Variants in TRAPPC9 observed in about 807,000 individuals in gnomAD.
The protein encoded by TRAPPC9 is trafficking protein particle complex subunit 9.
In TRAPPC9, 83 loss-of-function variants were observed where a neutral mutation model predicts 124.0. The observed-to-expected ratio is 0.67, with a 90% CI of 0.56 to 0.80. The LOEUF (loss-of-function observed/expected upper bound fraction) is 0.80. Among genes scored for constraint, TRAPPC9 ranks in the 30% least tolerant of loss-of-function variants. The pLI is 0.00. For synonymous variants in TRAPPC9, 638 were observed against 617.5 expected (o/e 1.03, Z -0.49); for missense variants, 1,302 against 1,508.3 (o/e 0.86, Z 2.27).
chr8:140,411,084 A>T (rs2069691647), intron 5 of TRAPPC9, among the ~76,000 whole-genome samples: 1 of 152,158 alleles, frequency 6.6e-6, no homozygotes, highest in Non-Finnish European at 1.5e-5. Context: ...ATGACCAAGG[A>T]TAAATAACCA....
intron 16 of TRAPPC9, among the ~76,000 whole-genome samples, chr8:140,223,739 AT>A (rs1563859873): frequency 1.4e-5 from 2 of 143,914 alleles, no homozygotes; most frequent in African/African-American, 5.1e-5. Flanking sequence ...ATAGTTCATA[AT>A]TTAAAAAAAA....
At chr8:139,981,295 C>T (rs900113083) in intron 19 of TRAPPC9, among the ~76,000 whole-genome samples, 5 of 152,202 alleles carry the variant, frequency 3.3e-5, no homozygotes, top group South Asian at 2.1e-4. Context: ...TAACTGACCT[C>T]GGGTCTCCAT....
rs75904565 is a variant in TRAPPC9 at position 139,914,476 on chromosome 8, C to T, written c.2811-4176G>A. Among the ~76,000 whole-genome samples the T allele has an allele frequency of 5.4e-3, 817 of 152,354 alleles. 6 individuals are homozygous for T. Among genetic ancestry groups the T allele is most frequent in the African/African-American group, 0.019 (782 of 41,594 alleles). On this transcript the variant is annotated intron_variant, in intron 19 of 22. Coordinates refer to ENST00000438773, the MANE Select transcript of TRAPPC9 (RefSeq NM_001160372.4). ...ATCGTGGTAGGCACCGGGGCAGCAG[C>T]GCAGCGGGAGATGGCGGCAGGCTTC...
intron 17 of TRAPPC9, among the ~76,000 whole-genome samples, chr8:140,197,309 A>G (rs965138655): frequency 6.6e-6 from 1 of 152,242 alleles, no homozygotes; most frequent in African/African-American, 2.4e-5. Context: ...TTAACATAAG[A>G]GCACTGCAGT....
At chr8:139,840,405 TG>T (rs572779595) in intron 21 of TRAPPC9, among the ~76,000 whole-genome samples, 74 of 152,360 alleles carry the variant, frequency 4.9e-4, no homozygotes, top group African/African-American at 1.7e-3. Context: ...GAATGTGAGT[TG>T]ATTCCATTGA....
At chr8:140,233,090 T>C (rs954212293) in intron 16 of TRAPPC9, among the ~76,000 whole-genome samples, 2 of 152,208 alleles carry the variant, frequency 1.3e-5, no homozygotes, top group African/African-American at 2.4e-5. Flanking sequence ...GAGCTGACAG[T>C]TTCAAGGTAG....
chr8:140,148,892 A>G (rs1437132490), intron 17 of TRAPPC9, among the ~76,000 whole-genome samples: 1 of 152,166 alleles, frequency 6.6e-6, no homozygotes, highest in Non-Finnish European at 1.5e-5. Flanking sequence ...TAATCTGTTC[A>G]TACTTTATTG....
intron 19 of TRAPPC9, among the ~76,000 whole-genome samples, chr8:139,924,817 G>A (rs1832710881): frequency 6.6e-6 from 1 of 152,220 alleles, no homozygotes; most frequent in Non-Finnish European, 1.5e-5. Flanking sequence ...TACAGAGTGA[G>A]GGAATTACAT....
At chr8:140,296,610 T>C (rs1377636940) in intron 11 of TRAPPC9, among the ~76,000 whole-genome samples, 2 of 152,334 alleles carry the variant, frequency 1.3e-5, no homozygotes, top group East Asian at 1.9e-4. Flanking sequence ...AGGCAGGGCC[T>C]ACAATCCATG....
In TRAPPC9 at chr8:139,857,377, C is replaced by A. The variant is rs185874976; in HGVS notation, c.3055+28502G>T. Among the ~76,000 whole-genome samples, 581 of 152,312 alleles carry A rather than the reference C, an allele frequency of 3.8e-3. 5 individuals carry two copies. Among genetic ancestry groups the A allele is most frequent in the African/African-American group, 0.014 (568 of 41,572 alleles). On this transcript the variant is annotated intron_variant, in intron 21 of 22. Transcript: ENST00000438773. ...GCAATATTTCCAGTGTGCTCGCTGA[C>A]AATCTGAGTGCGATTCTCCCCACAT... is the stretch of plus-strand genomic sequence containing the variant.
At chr8:140,249,749 A>G (rs181508044) in intron 16 of TRAPPC9, among the ~76,000 whole-genome samples, 2,172 of 151,570 alleles carry the variant, frequency 0.014, 23 homozygotes, top group African/African-American at 0.032. Context: ...GACTACAGGC[A>G]CCCGCCACCA....
intron 16 of TRAPPC9, among the ~76,000 whole-genome samples, chr8:140,228,548 T>C (rs1387608389): frequency 6.6e-6 from 1 of 152,246 alleles, no homozygotes; most frequent in East Asian, 1.9e-4. Flanking sequence ...ACAGTCCACA[T>C]TCCCCATGGG....
At chr8:140,342,706 T>A (rs2067228563) in intron 9 of TRAPPC9, among the ~76,000 whole-genome samples, 1 of 151,830 alleles carries the variant, frequency 6.6e-6, no homozygotes, top group African/African-American at 2.4e-5. Context: ...AGAAACCACA[T>A]AAGCCATCTG....
intron 17 of TRAPPC9, chr8:140,095,606 T>G (rs1844887929): frequency 6.6e-6 from 1 of 151,872 alleles, no homozygotes; most frequent in African/African-American, 2.4e-5. Context: ...CCATGAAAAA[T>G]CAACCCCCAC....
chr8:139,787,372 G>C (rs1159363123), intron 21 of TRAPPC9, among the ~76,000 whole-genome samples: 2 of 152,078 alleles, frequency 1.3e-5, no homozygotes, highest in African/African-American at 4.8e-5. Context: ...CTGCAGCCTT[G>C]GGAGCAGGGG....
chr8:140,170,698 G>A (rs142830578), intron 17 of TRAPPC9, among the ~76,000 whole-genome samples: 2 of 152,308 alleles, frequency 1.3e-5, no homozygotes, highest in East Asian at 3.9e-4. Context: ...CTCTTTGAAG[G>A]AAAGCAAGGA....
intron 17 of TRAPPC9, among the ~76,000 whole-genome samples, chr8:140,193,118 G>T (rs1046248880): frequency 6.6e-6 from 1 of 152,140 alleles, no homozygotes; most frequent in Admixed American, 6.5e-5. Context: ...ATTTCACTGG[G>T]GAAAGACAGG....
At chr8:139,867,335 C>T (rs1216357982) in intron 21 of TRAPPC9, among the ~76,000 whole-genome samples, 2 of 151,946 alleles carry the variant, frequency 1.3e-5, no homozygotes, top group Non-Finnish European at 2.9e-5. Context: ...ATCTGGGTAT[C>T]GAAATAACTA....
rs574671409 is a variant in TRAPPC9 at position 140,371,657 on chromosome 8, A to G, written c.1135-477T>C. On this transcript the variant is annotated intron_variant, in intron 7 of 22. Transcript: ENST00000438773. ...AAAGTTTTCTTTCATCCAAGACCCA[A>G]CTGAATCCTCCCAACAACCCTGTAG... Among the ~76,000 whole-genome samples, 14 of 152,324 alleles carry G rather than the reference A, an allele frequency of 9.2e-5. No homozygotes were observed. The South Asian group carries it at 2.7e-3, about 29-fold the overall frequency.
Sources: allele counts gnomAD v4.1 joint callset (sites outside exome capture counted in the v4.1 genomes callset), GRCh38; gene constraint gnomAD v4.1.1; transcripts MANE v1.5; gene names NCBI Gene and HGNC (gene_info 2026-07-23, HGNC 2026-07-21).